The following MID1 variants were observed in gnomAD, a reference collection of about 807,000 sequenced individuals.
MID1 encodes the protein E3 ubiquitin-protein ligase Midline-1.
A neutral mutation model predicts 40.4 loss-of-function variants in MID1; 7 were observed. That is an observed-to-expected ratio of 0.17 (90% CI 0.10 to 0.33). The LOEUF (loss-of-function observed/expected upper bound fraction) is 0.33, where lower values mean the gene tolerates loss of function less well. MID1 is among the 10% of genes least tolerant of loss of function. The pLI is 1.00. For missense variants in MID1, 367 were observed against 558.5 expected, an observed-to-expected ratio of 0.66 and a Z score of 3.46; for synonymous variants, 229 against 221.2, an observed-to-expected ratio of 1.04 and a Z score of -0.31.
chrX:10,565,184 T>TTC lies in MID1; in HGVS notation c.660+1702_660+1703dup, dbSNP rs1302735098. 4 of 329,649 alleles carry TTC rather than the reference T, an allele frequency of 1.2e-5. No homozygotes were observed. In the East Asian group the frequency reaches 3.9e-4, roughly 32 times the overall value. The allele number at this position is 329,649 out of a possible 1,213,427, so 27.2% of individuals were successfully genotyped here. A position where few individuals can be genotyped will look rare whatever the true frequency, so the allele number is the denominator to read the frequency against. On this transcript the variant is annotated intron_variant, in intron 2 of 9. Transcript: ENST00000317552. ...TCTGGAAAGCCTGTCAGCGGCTGTCTTCTGTTGTCTGTGTCACCTGAGTCC... is the reference window on the plus strand; with the variant it reads ...TCTGGAAAGCCTGTCAGCGGCTGTCTTCTCTGTTGTCTGTGTCACCTGAGTCC...
chrX:10,502,753 T>C (rs1363230976), intron 3 of MID1, among the ~76,000 whole-genome samples: 1 of 112,356 alleles, frequency 8.9e-6, no homozygotes, highest in Non-Finnish European at 1.9e-5. Flanking sequence ...GGTGAATAAA[T>C]GTGACCTTCC....
intron 5 of MID1, 127 bp downstream of exon 5, chrX:10,482,353 C>T: frequency 1.4e-6 from 1 of 738,650 alleles, no homozygotes; most frequent in Non-Finnish European, 2.1e-6. Flanking sequence ...CAGCTCAAAG[C>T]CTCTATTCTC....
At chrX:10,622,319 G>A, upstream of MID1, among the ~76,000 whole-genome samples, 1 of 111,454 alleles carries the variant, frequency 9.0e-6, no homozygotes, top group Middle Eastern at 4.6e-3. Context: ...ATCACCTTCA[G>A]TAGAAGCTAC....
intron 1 of MID1, among the ~76,000 whole-genome samples, chrX:10,805,153 C>A (rs986688819): frequency 9.1e-6 from 1 of 109,409 alleles, no homozygotes; most frequent in South Asian, 4.1e-4. Context: ...ATGTGCCATG[C>A]TGGTGCGCTG....
At chrX:10,670,643 A>C (rs1420339384) in intron 1 of MID1, among the ~76,000 whole-genome samples, 1 of 112,115 alleles carries the variant, frequency 8.9e-6, no homozygotes, top group African/African-American at 3.2e-5. Context: ...GGCATTTAAA[A>C]ATTTTATTCA....
chrX:10,660,407 C>A (rs1270274218), intron 1 of MID1, among the ~76,000 whole-genome samples: 1 of 112,267 alleles, frequency 8.9e-6, no homozygotes, highest in Non-Finnish European at 1.9e-5. Context: ...ATCACCACAG[C>A]GCTGGGGCCT....
rs140177228 is a variant in MID1, at chrX:10,691,695, C to T, written c.-186-71276G>A. On this transcript the variant is annotated intron_variant, in intron 1 of 10. Coordinates refer to the MID1 transcript ENST00000380785. ...GAAATCAGTGCACCCTGAAAAAGAA[C>T]AGAATAACAGCGATTTTCAGGGAAC... 4.0e-3 allele frequency among the ~76,000 whole-genome samples: 442 copies of T among 111,773 alleles called. 5 individuals carry two copies. Among genetic ancestry groups the T allele is most frequent in the African/African-American group, 0.014 (425 of 30,768 alleles).
intron 1 of MID1, among the ~76,000 whole-genome samples, chrX:10,700,102 G>C (rs757380509): frequency 2.7e-5 from 3 of 111,450 alleles, no homozygotes; most frequent in Non-Finnish European, 5.6e-5. Flanking sequence ...GATTACAGGC[G>C]TGAGCCACCA....
chrX:10,561,459 A>C, intron 2 of MID1, among the ~76,000 whole-genome samples: 1 of 107,105 alleles, frequency 9.3e-6, no homozygotes, highest in African/African-American at 3.7e-5. Context: ...AAAATTTTAC[A>C]ATCTACCCAT....
At chrX:10,596,236 G>A (rs1184150486) in intron 1 of MID1, among the ~76,000 whole-genome samples, 1 of 111,272 alleles carries the variant, frequency 9.0e-6, no homozygotes, top group Non-Finnish European at 1.9e-5. Context: ...ATATTGGCAA[G>A]GGGGTGCTTT....
At chrX:10,736,214 C>T (rs985810582) in intron 1 of MID1, among the ~76,000 whole-genome samples, 1 of 109,678 alleles carries the variant, frequency 9.1e-6, no homozygotes, top group South Asian at 3.9e-4. Flanking sequence ...CTCCTGACCT[C>T]GTGATCCGCC....
chrX:10,547,258 G>C (rs1366893443), intron 2 of MID1, among the ~76,000 whole-genome samples: 2 of 110,880 alleles, frequency 1.8e-5, no homozygotes, highest in Non-Finnish European at 3.8e-5. Flanking sequence ...CTGGGAGACA[G>C]AGCAAGATGT....
chrX:10,580,897 C>G (rs6639020), intron 1 of MID1, among the ~76,000 whole-genome samples: 1 of 89,401 alleles, frequency 1.1e-5, no homozygotes, highest in Non-Finnish European at 2.1e-5. Context: ...TGTTCTTGGT[C>G]TAGTTTTGGG....
At chrX:10,525,985 A>G (rs1323040607) in intron 2 of MID1, among the ~76,000 whole-genome samples, 1 of 111,997 alleles carries the variant, frequency 8.9e-6, no homozygotes, top group Non-Finnish European at 1.9e-5. Flanking sequence ...GGCTTTCCAC[A>G]TATGTTTATG....
intron 2 of MID1, among the ~76,000 whole-genome samples, chrX:10,553,475 T>C (rs918036339): frequency 9.0e-6 from 1 of 111,479 alleles, no homozygotes; most frequent in Non-Finnish European, 1.9e-5. Context: ...TTTTTATATG[T>C]ATCCACGCTT....
chrX:10,513,451 C>T (rs149396224), intron 3 of MID1, among the ~76,000 whole-genome samples: 3,425 of 112,100 alleles, frequency 0.031, 88 homozygotes, highest in African/African-American at 0.077. Context: ...CACCTGAAAC[C>T]ATCCAGCTAA....
intron 1 of MID1, among the ~76,000 whole-genome samples, chrX:10,802,988 C>T (rs1185310718): frequency 9.0e-6 from 1 of 111,019 alleles, no homozygotes; most frequent in African/African-American, 3.3e-5. Flanking sequence ...TTCACATATA[C>T]ATAAATATGG....
chrX:10,524,886 C>T (rs1932801497), intron 2 of MID1, among the ~76,000 whole-genome samples: 1 of 111,628 alleles, frequency 9.0e-6, no homozygotes, highest in Admixed American at 9.5e-5. Context: ...CTTCCATGGG[C>T]AGGGAATAGA....
intron 1 of MID1, among the ~76,000 whole-genome samples, chrX:10,581,661 A>C (rs938088334): frequency 6.2e-5 from 7 of 112,431 alleles, no homozygotes; most frequent in African/African-American, 1.9e-4. Flanking sequence ...AGCAAGAAGG[A>C]TATAAATCCA....
Sources: gnomAD v4.1 joint callset for allele counts (sites outside exome capture counted in the v4.1 genomes callset) on GRCh38, gnomAD v4.1.1 for gene constraint, MANE v1.5 for transcripts, NCBI Gene and HGNC (gene_info 2026-07-23, HGNC 2026-07-21) for gene names.